The following EDA variants were observed in gnomAD, a reference collection of about 807,000 sequenced individuals.
EDA encodes the protein ectodysplasin-A.
EDA carries 2 observed loss-of-function variants against 23.6 expected under a neutral mutation model. The ratio of observed to expected loss-of-function variants is 0.08; its 90% confidence interval spans 0.03 to 0.27. The LOEUF (loss-of-function observed/expected upper bound fraction) is 0.27. Among genes scored for constraint, EDA ranks in the 10% least tolerant of loss-of-function variants. EDA has a pLI of 1.00. For missense variants in EDA, 229 were observed against 324.2 expected, an observed-to-expected ratio of 0.71 and a Z score of 2.26; for synonymous variants, 131 against 132.0, an observed-to-expected ratio of 0.99 and a Z score of 0.05.
chrX:69,737,326 T>G (rs1432150765), intron 1 of EDA, among the ~76,000 whole-genome samples: 1 of 112,271 alleles, frequency 8.9e-6, no homozygotes, highest in Non-Finnish European at 1.9e-5. Flanking sequence ...TTTTATCTTC[T>G]TTTCTTGCCT....
At chrX:69,944,597 G>A (rs144625050) in intron 1 of EDA, among the ~76,000 whole-genome samples, 1,267 of 111,325 alleles carry the variant, frequency 0.011, 22 homozygotes, top group African/African-American at 0.039. Context: ...TCAAGAAGAG[G>A]GAAGGAATCT....
At chrX:69,907,250 C>A (rs2018192826) in intron 1 of EDA, among the ~76,000 whole-genome samples, 1 of 111,709 alleles carries the variant, frequency 9.0e-6, no homozygotes, top group African/African-American at 3.2e-5. Context: ...CTCCTAATTT[C>A]TTGGCAATAG....
chrX:70,001,285 C>T (rs1345807944), intron 2 of EDA, among the ~76,000 whole-genome samples: 5 of 111,609 alleles, frequency 4.5e-5, no homozygotes, highest in Non-Finnish European at 9.4e-5. Flanking sequence ...ATTAAAGGGA[C>T]ACAACATGCA....
intron 1 of EDA, among the ~76,000 whole-genome samples, chrX:69,914,253 A>G (rs2018310153): frequency 9.0e-6 from 1 of 111,677 alleles, no homozygotes; most frequent in Admixed American, 9.5e-5. Flanking sequence ...TGCAGATAAT[A>G]ACTGTATTGA....
At chrX:69,710,207 C>G (rs1335293767) in intron 1 of EDA, among the ~76,000 whole-genome samples, 13 of 110,181 alleles carry the variant, frequency 1.2e-4, no homozygotes, top group Non-Finnish European at 7.6e-5. Flanking sequence ...TTTCAGCTTT[C>G]TACATATGGC....
chrX:69,929,018 T>C (rs2018560328), intron 1 of EDA, among the ~76,000 whole-genome samples: 3 of 111,993 alleles, frequency 2.7e-5, no homozygotes, highest in Middle Eastern at 4.6e-3. Flanking sequence ...AAAGTTTACA[T>C]TGTGTTGTAA....
chrX:69,876,217 CAAAA>C (rs2017642330), intron 1 of EDA, among the ~76,000 whole-genome samples: 1 of 110,531 alleles, frequency 9.0e-6, no homozygotes, highest in Non-Finnish European at 1.9e-5. Flanking sequence ...TTTGCAGTTC[CAAAA>C]ATATGGAACC....
intron 1 of EDA, among the ~76,000 whole-genome samples, chrX:69,741,657 A>G (rs2013464535): frequency 8.9e-6 from 1 of 112,105 alleles, no homozygotes; most frequent in African/African-American, 3.2e-5. Context: ...AATCTGATCC[A>G]ATTAAATTCA....
intron 1 of EDA, among the ~76,000 whole-genome samples, chrX:69,823,639 C>T (rs367997584): frequency 1.1e-5 from 1 of 93,909 alleles, no homozygotes; most frequent in South Asian, 5.9e-4. Context: ...TTCTCCCATT[C>T]TGTAGGTTGC....
chrX:69,654,091 A>C, intron 1 of EDA, among the ~76,000 whole-genome samples: 1 of 112,187 alleles, frequency 8.9e-6, no homozygotes, highest in South Asian at 3.8e-4. Flanking sequence ...AATGAACTCA[A>C]ATTTACAAGA....
At chrX:69,997,471 A>G (rs1569396994) in intron 2 of EDA, among the ~76,000 whole-genome samples, 1 of 112,400 alleles carries the variant, frequency 8.9e-6, no homozygotes, top group Non-Finnish European at 1.9e-5. Flanking sequence ...TAGTTTTAAA[A>G]GGGAAACAGA....
chrX:69,655,787 T>TCTATATATATCTATATATA (rs6151315), intron 1 of EDA, among the ~76,000 whole-genome samples: 1 of 88,392 alleles, frequency 1.1e-5, no homozygotes, highest in African/African-American at 4.7e-5. Flanking sequence ...TATATATATA[T>TCTATATATATCTATATATA]TGCACTTTGT....
At chrX:69,931,974 A>G (rs1430831186) in intron 1 of EDA, among the ~76,000 whole-genome samples, 1 of 112,395 alleles carries the variant, frequency 8.9e-6, no homozygotes, top group Non-Finnish European at 1.9e-5. Context: ...TGGATAAACA[A>G]ACTCTGTTAC....
At chrX:69,731,867 G>A (rs1033120651) in intron 1 of EDA, among the ~76,000 whole-genome samples, 7 of 111,681 alleles carry the variant, frequency 6.3e-5, no homozygotes, top group Middle Eastern at 4.7e-3. Flanking sequence ...TAAATCTTTC[G>A]CCATTAAATA....
At chrX:69,746,597 G>A (rs2013628464) in intron 1 of EDA, among the ~76,000 whole-genome samples, 1 of 110,874 alleles carries the variant, frequency 9.0e-6, no homozygotes, top group African/African-American at 3.3e-5. Flanking sequence ...ATTGAAGTTT[G>A]GGGCATATAA....
intron 1 of EDA, among the ~76,000 whole-genome samples, chrX:69,809,428 A>G (rs1796496672): frequency 3.6e-5 from 4 of 111,421 alleles, no homozygotes; most frequent in South Asian, 7.7e-4. Context: ...CACTGCTGTG[A>G]TCCAGTCACT....
rs756997194 is a variant in EDA at position 69,903,488 on chromosome X, C to T, written c.397-53539C>T. 7.6e-4 allele frequency among the ~76,000 whole-genome samples: 84 copies of T among 109,925 alleles called. 1 individual carries two copies. The highest frequency in any genetic ancestry group is 2.7e-3 in the African/African-American group (83 of 30,224). ...GAGTTTTGGAGCCTACACAGTAAAACCAATAGCACTGACATATTATATATT... is the reference window on the plus strand; with the variant it reads ...GAGTTTTGGAGCCTACACAGTAAAATCAATAGCACTGACATATTATATATT... On this transcript the variant is annotated intron_variant, in intron 1 of 7. Coordinates refer to ENST00000374552, the MANE Select transcript of EDA (RefSeq NM_001399.5).
At chrX:69,830,736 T>A (rs2016589048) in intron 1 of EDA, among the ~76,000 whole-genome samples, 1 of 112,168 alleles carries the variant, frequency 8.9e-6, no homozygotes, top group Non-Finnish European at 1.9e-5. Context: ...GCAGAAATGA[T>A]TCAGTAGCTA....
At chrX:69,832,977 A>T (rs1373471606) in intron 1 of EDA, among the ~76,000 whole-genome samples, 1 of 111,626 alleles carries the variant, frequency 9.0e-6, no homozygotes, top group African/African-American at 3.3e-5. Flanking sequence ...CAATCATGTC[A>T]TCTGCAAACA....
Sources: allele counts gnomAD v4.1 joint callset (sites outside exome capture counted in the v4.1 genomes callset), GRCh38; gene constraint gnomAD v4.1.1; transcripts MANE v1.5; gene names NCBI Gene and HGNC (gene_info 2026-07-23, HGNC 2026-07-21).